The following TAFA4 variants were observed in gnomAD, a reference collection of about 807,000 sequenced individuals.
TAFA4 encodes the protein chemokine-like protein TAFA-4.
In TAFA4, 20 loss-of-function variants were observed where a neutral mutation model predicts 21.1. The ratio of observed to expected loss-of-function variants is 0.95; its 90% CI spans 0.67 to 1.38. The LOEUF is 1.38. Among genes scored for constraint, TAFA4 ranks in the 40% most tolerant of loss-of-function variants. TAFA4 has a pLI of 0.00. For missense variants in TAFA4, 211 were observed against 180.9 expected (o/e 1.17, Z -0.95); for synonymous variants, 71 against 67.4 (o/e 1.05, Z -0.26).
intron 3 of TAFA4, among the ~76,000 whole-genome samples, chr3:68,812,709 G>C (rs1227531772): frequency 1.3e-5 from 2 of 152,034 alleles, no homozygotes; most frequent in African/African-American, 2.4e-5. Context: ...GATTTAGACT[G>C]CCACACAATA....
chr3:68,931,182 T>C (rs1186954377), intron 1 of TAFA4, among the ~76,000 whole-genome samples: 2 of 152,266 alleles, frequency 1.3e-5, no homozygotes, highest in Middle Eastern at 3.4e-3. Context: ...GGATCGCCTG[T>C]CACATCACAT....
chr3:68,787,302 G>T (rs1378731565), intron 3 of TAFA4, among the ~76,000 whole-genome samples: 2 of 152,124 alleles, frequency 1.3e-5, no homozygotes, highest in African/African-American at 2.4e-5. Flanking sequence ...ACTATTAAAA[G>T]CTCATTAACT....
At chr3:68,749,054 CTGTT>C (rs1417910776) in intron 4 of TAFA4, among the ~76,000 whole-genome samples, 3 of 152,210 alleles carry the variant, frequency 2.0e-5, no homozygotes, top group Non-Finnish European at 2.9e-5. Flanking sequence ...GAATAGCTGT[CTGTT>C]TTAGGACCCA....
At chr3:68,800,135 C>T (rs543726912) in intron 3 of TAFA4, among the ~76,000 whole-genome samples, 1 of 152,180 alleles carries the variant, frequency 6.6e-6, no homozygotes, top group East Asian at 1.9e-4. Context: ...TATATTACAA[C>T]ATAATAACAG....
rs147480697 is a variant in TAFA4, at chr3:68,917,264, A to G, written c.-123+14976T>C. Among the ~76,000 whole-genome samples the G allele has an allele frequency of 4.0e-3, 611 of 152,322 alleles. 10 individuals are homozygous for G. The highest frequency in any genetic ancestry group is 0.014 in the African/African-American group (573 of 41,578). ...CAGATTGGACATGGGGGTGTATTGC[A>G]TATTTCCTCATCAGGTTAATGTAAT... On this transcript the variant is annotated intron_variant, in intron 1 of 5. Transcript: ENST00000295569.
At chr3:68,921,536 C>A (rs963370620) in intron 1 of TAFA4, among the ~76,000 whole-genome samples, 1 of 152,144 alleles carries the variant, frequency 6.6e-6, no homozygotes, top group Non-Finnish European at 1.5e-5. Context: ...CAGGAGAAAG[C>A]AATAAGCCAG....
At chr3:68,910,715 G>A (rs1344901687) in intron 1 of TAFA4, among the ~76,000 whole-genome samples, 1 of 151,980 alleles carries the variant, frequency 6.6e-6, no homozygotes, top group Non-Finnish European at 1.5e-5. Context: ...CAAACTTTAG[G>A]GCTAAGAATT....
At chr3:68,771,771 T>A (rs1702962938) in intron 3 of TAFA4, among the ~76,000 whole-genome samples, 1 of 152,254 alleles carries the variant, frequency 6.6e-6, no homozygotes, top group Non-Finnish European at 1.5e-5. Context: ...TCTAACAGAA[T>A]GCCACAGCAT....
At chr3:68,747,150 T>TAAAC (rs1162187864) in intron 4 of TAFA4, among the ~76,000 whole-genome samples, 1 of 152,210 alleles carries the variant, frequency 6.6e-6, no homozygotes, top group Non-Finnish European at 1.5e-5. Flanking sequence ...TAATCCATGA[T>TAAAC]AAACACCATG....
At chr3:68,830,633 G>A (rs1704360194) in intron 3 of TAFA4, among the ~76,000 whole-genome samples, 1 of 152,212 alleles carries the variant, frequency 6.6e-6, no homozygotes, top group Non-Finnish European at 1.5e-5. Context: ...TGGAATAAGT[G>A]AGATGTAGTG....
chr3:68,782,452 G>A (rs1299505404), intron 3 of TAFA4, among the ~76,000 whole-genome samples: 6 of 152,038 alleles, frequency 3.9e-5, no homozygotes, highest in Non-Finnish European at 7.4e-5. Context: ...GTTTATGGAG[G>A]AATTACTCAA....
chr3:68,837,277 C>T (rs1704546662), intron 3 of TAFA4, among the ~76,000 whole-genome samples: 1 of 152,182 alleles, frequency 6.6e-6, no homozygotes, highest in African/African-American at 2.4e-5. Flanking sequence ...GTTGGAACTG[C>T]AGAATCTGAG....
chr3:68,823,132 C>A (rs1704149408), intron 3 of TAFA4, among the ~76,000 whole-genome samples: 3 of 152,132 alleles, frequency 2.0e-5, no homozygotes, highest in African/African-American at 7.2e-5. Context: ...AATGCCCCTG[C>A]CCAGGATTCA....
At chr3:68,781,814 A>T (rs894739558) in intron 3 of TAFA4, among the ~76,000 whole-genome samples, 6 of 152,200 alleles carry the variant, frequency 3.9e-5, no homozygotes, top group African/African-American at 1.4e-4. Flanking sequence ...AATAAAGAAA[A>T]TTACAGACAG....
At chr3:68,771,307 C>T (rs1046137876) in intron 3 of TAFA4, among the ~76,000 whole-genome samples, 3 of 152,336 alleles carry the variant, frequency 2.0e-5, no homozygotes, top group East Asian at 3.9e-4. Context: ...TGCCTGCAGA[C>T]AGAAAAGTTG....
chr3:68,829,277 T>C (rs1023098505), intron 3 of TAFA4, among the ~76,000 whole-genome samples: 11 of 152,120 alleles, frequency 7.2e-5, no homozygotes. Flanking sequence ...TTGACAAACC[T>C]GACAAAAAAC....
At chr3:68,785,151 T>C (rs1435716710) in intron 3 of TAFA4, among the ~76,000 whole-genome samples, 1 of 152,176 alleles carries the variant, frequency 6.6e-6, no homozygotes, top group Non-Finnish European at 1.5e-5. Context: ...TTTATAAACA[T>C]TGAGCTAGAT....
At chr3:68,800,757 G>A (rs1014642840) in intron 3 of TAFA4, among the ~76,000 whole-genome samples, 4 of 152,206 alleles carry the variant, frequency 2.6e-5, no homozygotes, top group Non-Finnish European at 5.9e-5. Flanking sequence ...CAAAACTTAG[G>A]AGAAAAGAAA....
chr3:68,839,407 A>G (rs1704601291), intron 3 of TAFA4, among the ~76,000 whole-genome samples: 1 of 152,198 alleles, frequency 6.6e-6, no homozygotes, highest in African/African-American at 2.4e-5. Context: ...ATTAGAAATA[A>G]TGTCCAAAAC....
Sources: gnomAD v4.1 joint callset for allele counts (sites outside exome capture counted in the v4.1 genomes callset) on GRCh38, gnomAD v4.1.1 for gene constraint, MANE v1.5 for transcripts, NCBI Gene and HGNC (gene_info 2026-07-23, HGNC 2026-07-21) for gene names.